The following CCDC93 variants were observed in gnomAD, a reference collection of about 807,000 sequenced individuals.
The protein encoded by CCDC93 is CCC complex scaffolding subunit CCDC93.
CCDC93 carries 61 observed loss-of-function variants against 108.2 expected under a neutral mutation model. The observed-to-expected ratio is 0.56, with a 90% CI of 0.46 to 0.70. CCDC93 has a LOEUF of 0.70. Ranked by LOEUF, CCDC93 falls within the 30% of genes least tolerant of loss-of-function variation. The pLI, the probability that CCDC93 is intolerant of heterozygous loss-of-function variation, is 0.00. For synonymous variants in CCDC93, 276 were observed against 260.4 expected (o/e 1.06, Z -0.58); for missense variants, 685 against 764.2 (o/e 0.90, Z 1.22).
At chr2:118,000,681 C>G (rs1680818003) in intron 4 of CCDC93, 140 bp downstream of exon 4, 1 of 595,414 alleles carries the variant, frequency 1.7e-6, no homozygotes, top group Admixed American at 2.9e-5. Flanking sequence ...CAACGAACAC[C>G]ACCATGTTCT....
Position 117,930,724 on chromosome 2 carries a change from C to T in CCDC93, c.1842+313G>A, listed in dbSNP as rs543360792. 5.4e-4 allele frequency: 108 copies of T among 199,470 alleles called. 2 individuals carry two copies. Among genetic ancestry groups the T allele is most frequent in the Non-Finnish European group, 4.9e-4 (48 of 98,944 alleles). The allele number at this position is 199,470 out of a possible 1,614,324, so 12.4% of individuals were successfully genotyped here. A position where few individuals can be genotyped will look rare whatever the true frequency, so the allele number is the denominator to read the frequency against. ...GAAGATTCTATATCTGAATCCACAA[C>T]AAATGCTGTTTCCAAGTGGCCCTTG... On this transcript the variant is annotated intron_variant, in intron 23 of 23. Coordinates refer to ENST00000376300, the MANE Select transcript of CCDC93 (RefSeq NM_019044.5).
At chr2:117,924,599 AC>A (rs2104700912) in intron 23 of CCDC93, among the ~76,000 whole-genome samples, 2 of 152,328 alleles carry the variant, frequency 1.3e-5, no homozygotes, top group East Asian at 3.9e-4. Context: ...AAAAGAAATG[AC>A]CAAAGTCTCC....
At chr2:117,928,417 A>G (rs536104621) in intron 23 of CCDC93, among the ~76,000 whole-genome samples, 2 of 152,146 alleles carry the variant, frequency 1.3e-5, no homozygotes, top group Non-Finnish European at 2.9e-5. Flanking sequence ...AATTCACAAG[A>G]AAAAAAACAA....
At position 117,951,074 on chromosome 2, in the gene CCDC93, A is replaced by G. The variant is rs997145691; in HGVS notation, c.1068+1299T>C. 9.6e-6 allele frequency: 8 copies of G among 831,774 alleles called. No homozygotes were observed. In the African/African-American group the frequency reaches 1.7e-4, roughly 18 times the overall value. 51.5% of individuals were successfully genotyped at this position (831,774 alleles called of 1,614,324 possible). On this transcript the variant is annotated intron_variant, in intron 13 of 23. Coordinates refer to ENST00000376300, the MANE Select transcript of CCDC93 (RefSeq NM_019044.5). ...AGTATTTAGTATAAAAAGCTCCTTT[A>G]TAAGTCACTTAGTTTATATCCTAAG...
At chr2:118,003,706 G>C (rs574294942) in intron 3 of CCDC93, among the ~76,000 whole-genome samples, 32 of 152,252 alleles carry the variant, frequency 2.1e-4, no homozygotes, top group Middle Eastern at 3.4e-3. Flanking sequence ...AAGGTCCAGA[G>C]AGAAGGCTAT....
chr2:117,976,934 C>CTT (rs34472456), intron 8 of CCDC93, among the ~76,000 whole-genome samples: 13 of 118,254 alleles, frequency 1.1e-4, no homozygotes, highest in Non-Finnish European at 1.4e-4. Context: ...AATAACCAAT[C>CTT]TTTTTTTTTT....
At chr2:117,949,653 C>T in intron 13 of CCDC93, 1 of 615,622 alleles carries the variant, frequency 1.6e-6, no homozygotes, top group Non-Finnish European at 2.0e-6. Context: ...AACCTACACC[C>T]TTTGTACTTT....
At chr2:118,012,540 T>C (rs987173766) in intron 1 of CCDC93, 2 of 152,110 alleles carry the variant, frequency 1.3e-5, no homozygotes, top group African/African-American at 4.8e-5. Flanking sequence ...TGGACGGATT[T>C]AAAGTAGAAC....
chr2:117,959,114 G>A (rs1413686323), intron 11 of CCDC93, among the ~76,000 whole-genome samples: 2 of 152,210 alleles, frequency 1.3e-5, no homozygotes, highest in African/African-American at 2.4e-5. Context: ...GAGTGAGTGT[G>A]AGAGAGATCT....
chr2:117,955,936 C>G (rs1679203315), intron 12 of CCDC93, among the ~76,000 whole-genome samples: 1 of 152,172 alleles, frequency 6.6e-6, no homozygotes, highest in Non-Finnish European at 1.5e-5. Context: ...TCTATTTATT[C>G]TTATCTTTAT....
chr2:117,936,808 G>A, intron 20 of CCDC93, 69 bp from the exon 21 acceptor site: 2 of 1,213,522 alleles, frequency 1.6e-6, no homozygotes, highest in East Asian at 2.3e-5. Flanking sequence ...TGCAACTGCT[G>A]CAAGCTTGCC....
intron 23 of CCDC93, among the ~76,000 whole-genome samples, chr2:117,927,970 T>C (rs139702544): frequency 0.16 from 24,051 of 152,090 alleles, 2,131 homozygotes; most frequent in South Asian, 0.22. Flanking sequence ...TCTACAACCA[T>C]CTGATCTTTG....
At chr2:117,969,118 G>C (rs920424918) in intron 11 of CCDC93, among the ~76,000 whole-genome samples, 2 of 152,232 alleles carry the variant, frequency 1.3e-5, no homozygotes, top group African/African-American at 4.8e-5. Context: ...ATACACCACA[G>C]AGAAAAGGCA....
At chr2:117,931,308 A>G (rs1678319660) in intron 22 of CCDC93, 158 bp from the exon 23 acceptor site, 2 of 577,322 alleles carry the variant, frequency 3.5e-6, no homozygotes, top group Non-Finnish European at 3.1e-6. Flanking sequence ...ATTTATTTGC[A>G]TATTACATGG....
At chr2:117,941,331 T>C (rs1057404391) in intron 18 of CCDC93, 34 bp from the exon 19 acceptor site, 7 of 1,555,212 alleles carry the variant, frequency 4.5e-6, no homozygotes, top group Middle Eastern at 1.7e-4. Flanking sequence ...ACAGTACTAT[T>C]TGGTAAAAGG....
chr2:117,943,952 T>C (rs533180712), intron 18 of CCDC93, 72 bp downstream of exon 18: 33 of 1,029,300 alleles, frequency 3.2e-5, no homozygotes, highest in Non-Finnish European at 4.6e-5. Context: ...ATTGAGACTT[T>C]CTAGTTATGT....
In CCDC93 at chr2:117,916,269, G is replaced by A. The variant is rs1296233258; in HGVS notation, c.*4074C>T. The A allele has an allele frequency of 4.0e-5, 6 of 151,892 alleles. No homozygotes were observed. Among genetic ancestry groups the A allele is most frequent in the Admixed American group, 2.6e-4 (4 of 15,256 alleles). 9.4% of individuals were successfully genotyped at this position (151,892 alleles called of 1,614,324 possible). ...TACCTTTAGGTTCATGACACATTTT[G>A]AGCCAAAACATACCTTATCTCTAAC... On this transcript the variant is annotated 3_prime_UTR_variant, in exon 24 of 24. Coordinates refer to ENST00000376300, the MANE Select transcript of CCDC93 (RefSeq NM_019044.5).
intron 10 of CCDC93, among the ~76,000 whole-genome samples, chr2:117,974,402 C>T (rs1183605017): frequency 6.6e-6 from 1 of 152,174 alleles, no homozygotes; most frequent in African/African-American, 2.4e-5. Flanking sequence ...CTCTTTACTA[C>T]CACAGGTCTT....
At chr2:117,951,499 TA>T (rs1679055466) in intron 13 of CCDC93, 1 of 990,944 alleles carries the variant, frequency 1.0e-6, no homozygotes, top group Non-Finnish European at 1.2e-6. Context: ...GTAAGAATTT[TA>T]AATTGGTAAA....
Sources: allele counts gnomAD v4.1 joint callset (sites outside exome capture counted in the v4.1 genomes callset), GRCh38; gene constraint gnomAD v4.1.1; transcripts MANE v1.5; gene names NCBI Gene and HGNC (gene_info 2026-07-23, HGNC 2026-07-21).